Variants in LRRTM4 observed in about 807,000 individuals in gnomAD.
LRRTM4 encodes the protein leucine-rich repeat transmembrane neuronal protein 4.
A neutral mutation model predicts 47.6 loss-of-function variants in LRRTM4; 25 were observed. That is an observed-to-expected ratio of 0.53 (90% CI 0.38 to 0.73). The LOEUF (loss-of-function observed/expected upper bound fraction) is 0.73, where lower values mean the gene tolerates loss of function less well. LRRTM4 is among the 30% of genes least tolerant of loss of function. LRRTM4 has a pLI of 0.00. For missense variants in LRRTM4, 638 were observed against 713.4 expected, an observed-to-expected ratio of 0.89 and a Z score of 1.20; for synonymous variants, 311 against 269.5, an observed-to-expected ratio of 1.15 and a Z score of -1.51.
At chr2:76,894,192 C>T (rs1334622399) in intron 3 of LRRTM4, among the ~76,000 whole-genome samples, 1 of 151,942 alleles carries the variant, frequency 6.6e-6, no homozygotes, top group East Asian at 1.9e-4. Flanking sequence ...TTTTAAAATG[C>T]AGTAGTTTCC....
chr2:77,136,359 GC>G (rs1671941840), intron 3 of LRRTM4, among the ~76,000 whole-genome samples: 1 of 152,146 alleles, frequency 6.6e-6, no homozygotes. Flanking sequence ...TGATACCCAG[GC>G]AAACAGGGTC....
chr2:77,446,018 C>G (rs1309924398), intron 3 of LRRTM4, among the ~76,000 whole-genome samples: 1 of 151,976 alleles, frequency 6.6e-6, no homozygotes. Context: ...GGAGCATGTT[C>G]TGAGTTCCTT....
At chr2:77,032,016 G>C (rs1678677788) in intron 3 of LRRTM4, among the ~76,000 whole-genome samples, 2 of 152,004 alleles carry the variant, frequency 1.3e-5, no homozygotes, top group South Asian at 4.2e-4. Flanking sequence ...AAGATATTAA[G>C]AATCTGATCT....
intron 3 of LRRTM4, among the ~76,000 whole-genome samples, chr2:77,283,988 AG>A (rs781628096): frequency 1.3e-5 from 2 of 152,076 alleles, no homozygotes; most frequent in Admixed American, 6.6e-5. Flanking sequence ...AGTTGAAAAA[AG>A]TTTGAAGGCA....
intron 3 of LRRTM4, among the ~76,000 whole-genome samples, chr2:77,114,095 C>T (rs999259908): frequency 2.6e-5 from 4 of 151,990 alleles, no homozygotes; most frequent in East Asian, 1.9e-4. Context: ...GAGAAGAAAG[C>T]TGAGGAAGAG....
intron 3 of LRRTM4, among the ~76,000 whole-genome samples, chr2:76,839,323 T>A (rs1473227521): frequency 1.3e-5 from 2 of 152,086 alleles, no homozygotes; most frequent in Admixed American, 1.3e-4. Flanking sequence ...TACTCAGGTG[T>A]CAGAGGGGCA....
chr2:77,521,821 T>G lies in LRRTM4; in HGVS notation c.-147-3A>C. ...GTGAGCTAGTAGCCCCATACAAACT[T>G]CCCCGAGAGGACAGGCAAAAAAAAA... On this transcript the variant is annotated splice_polypyrimidine_tract_variant and splice_region_variant and intron_variant, in intron 1 of 3. Transcript: ENST00000409884. 4.5e-6 allele frequency: 2 copies of G among 448,246 alleles called. No homozygotes were observed. Among genetic ancestry groups the G allele is most frequent in the Non-Finnish European group, 7.7e-6 (2 of 261,046 alleles). 27.8% of individuals were successfully genotyped at this position (448,246 alleles called of 1,614,324 possible). A position where few individuals can be genotyped will look rare whatever the true frequency, so the allele number is the denominator to read the frequency against.
At chr2:76,881,170 G>T (rs939983278) in intron 3 of LRRTM4, among the ~76,000 whole-genome samples, 2 of 152,106 alleles carry the variant, frequency 1.3e-5, no homozygotes, top group African/African-American at 4.8e-5. Context: ...TATAAATTGT[G>T]TATATGGAAA....
At chr2:77,205,876 C>T (rs1024603733) in intron 3 of LRRTM4, among the ~76,000 whole-genome samples, 1 of 152,076 alleles carries the variant, frequency 6.6e-6, no homozygotes, top group Non-Finnish European at 1.5e-5. Context: ...CACTCTGTCA[C>T]CCAGGCTGGA....
chr2:77,383,420 T>C (rs928893579), intron 3 of LRRTM4, among the ~76,000 whole-genome samples: 2 of 152,072 alleles, frequency 1.3e-5, no homozygotes, highest in Non-Finnish European at 2.9e-5. Context: ...TTCTCATACC[T>C]TTCTTATACG....
intron 3 of LRRTM4, among the ~76,000 whole-genome samples, chr2:76,884,024 T>C (rs1358338283): frequency 2.0e-5 from 3 of 151,716 alleles, no homozygotes; most frequent in Non-Finnish European, 4.4e-5. Flanking sequence ...CTCGCTATGT[T>C]GTTCAGGCTG....
chr2:76,929,231 G>C (rs528093969), intron 3 of LRRTM4, among the ~76,000 whole-genome samples: 1 of 152,190 alleles, frequency 6.6e-6, no homozygotes, highest in South Asian at 2.1e-4. Flanking sequence ...AAGAGGTTTT[G>C]TTTGCTTTGT....
At chr2:77,309,677 CAGATGATAGAT>C (rs1412480533) in intron 3 of LRRTM4, among the ~76,000 whole-genome samples, 1 of 131,642 alleles carries the variant, frequency 7.6e-6, no homozygotes, top group East Asian at 2.2e-4. Context: ...GATAGATAGA[CAGATGATAGAT>C]AGATAGATAG....
chr2:76,779,355 G>A (rs1384469991), intron 3 of LRRTM4, among the ~76,000 whole-genome samples: 3 of 151,090 alleles, frequency 2.0e-5, no homozygotes, highest in African/African-American at 4.9e-5. Flanking sequence ...AATGTTGACA[G>A]TGGGGTGTTA....
intron 3 of LRRTM4, among the ~76,000 whole-genome samples, chr2:76,759,915 A>AT (rs1022532660): frequency 2.0e-5 from 3 of 151,998 alleles, no homozygotes; most frequent in Non-Finnish European, 2.9e-5. Flanking sequence ...TCTTCATAGC[A>AT]TTTTTTTAAA....
intron 3 of LRRTM4, among the ~76,000 whole-genome samples, chr2:77,504,985 G>A (rs1026840739): frequency 6.6e-6 from 1 of 150,818 alleles, no homozygotes; most frequent in Admixed American, 6.6e-5. Flanking sequence ...ACATTTCAAG[G>A]GAAAACAATT....
At chr2:77,488,048 A>C (rs1318905946) in intron 3 of LRRTM4, among the ~76,000 whole-genome samples, 1 of 152,198 alleles carries the variant, frequency 6.6e-6, no homozygotes, top group East Asian at 1.9e-4. Flanking sequence ...AACGGGGCTG[A>C]AACAGACCCC....
At chr2:77,272,053 C>T (rs1313140969) in intron 3 of LRRTM4, among the ~76,000 whole-genome samples, 1 of 152,146 alleles carries the variant, frequency 6.6e-6, no homozygotes, top group African/African-American at 2.4e-5. Context: ...CCTCCTTCAA[C>T]ATGTCTCATA....
chr2:77,096,495 A>C (rs1670815749), intron 3 of LRRTM4, among the ~76,000 whole-genome samples: 1 of 151,566 alleles, frequency 6.6e-6, no homozygotes, highest in African/African-American at 2.4e-5. Flanking sequence ...ATAAATATAA[A>C]ATGTCAAAAG....
Sources: allele counts gnomAD v4.1 joint callset (sites outside exome capture counted in the v4.1 genomes callset), GRCh38; gene constraint gnomAD v4.1.1; transcripts MANE v1.5; gene names NCBI Gene and HGNC (gene_info 2026-07-23, HGNC 2026-07-21).